UCHL3: variants seen among roughly 807,000 people sequenced by gnomAD.
The protein encoded by UCHL3 is ubiquitin C-terminal hydrolase L3.
Under a neutral mutation model 35.8 loss-of-function variants are expected in UCHL3, and 22 were observed. That is an observed-to-expected ratio of 0.61 (90% confidence interval 0.44 to 0.88). The LOEUF (loss-of-function observed/expected upper bound fraction) is 0.88. UCHL3 is among the 40% of genes least tolerant of loss of function. The probability of loss-of-function intolerance (pLI) is 0.00; values close to 1 mark genes in which losing one functional copy is unlikely to be tolerated. For synonymous variants in UCHL3, 90 were observed against 92.8 expected (o/e 0.97, Z 0.17); for missense variants, 229 against 276.9 (o/e 0.83, Z 1.23).
chr13:75,563,768 G>A (rs1593725394), intron 3 of UCHL3, among the ~76,000 whole-genome samples: 1 of 151,776 alleles, frequency 6.6e-6, no homozygotes, highest in African/African-American at 2.4e-5. Context: ...CCTCTGTTTC[G>A]TTCTCTGTGT....
chr13:75,592,936 T>A (rs930255752), intron 6 of UCHL3, among the ~76,000 whole-genome samples: 2 of 152,126 alleles, frequency 1.3e-5, no homozygotes, highest in Admixed American at 6.6e-5. Flanking sequence ...GCAGCTCATT[T>A]AAACCTCGAG....
At chr13:75,600,279 A>G (rs997839124) in intron 7 of UCHL3, among the ~76,000 whole-genome samples, 2 of 152,200 alleles carry the variant, frequency 1.3e-5, no homozygotes, top group Admixed American at 6.5e-5. Flanking sequence ...TCAAGCTCAG[A>G]TCTTCCGTGA....
intron 3 of UCHL3, among the ~76,000 whole-genome samples, chr13:75,562,978 T>G (rs1377058977): frequency 1.3e-5 from 2 of 152,204 alleles, no homozygotes; most frequent in Non-Finnish European, 2.9e-5. Context: ...GGTGATATAT[T>G]GCAAAGTTAT....
intron 7 of UCHL3, among the ~76,000 whole-genome samples, chr13:75,598,663 G>A (rs748178267): frequency 6.6e-6 from 1 of 152,142 alleles, no homozygotes; most frequent in Non-Finnish European, 1.5e-5. Context: ...CAGAAATAAT[G>A]CTGCGTTCTT....
intron 6 of UCHL3, among the ~76,000 whole-genome samples, chr13:75,593,768 A>G (rs116741494): frequency 0.013 from 1,998 of 152,342 alleles, 60 homozygotes; most frequent in African/African-American, 0.046. Flanking sequence ...GAAACACTAT[A>G]TATAAATGTT....
chr13:75,591,358 T>C (rs904097745), intron 6 of UCHL3, among the ~76,000 whole-genome samples: 11 of 152,170 alleles, frequency 7.2e-5, no homozygotes, highest in African/African-American at 2.7e-4. Flanking sequence ...CGTTCATCCA[T>C]TTGATATTTG....
intron 2 of UCHL3, among the ~76,000 whole-genome samples, chr13:75,555,810 C>T (rs2031277460): frequency 1.3e-5 from 2 of 152,124 alleles, no homozygotes; most frequent in African/African-American, 4.8e-5. Flanking sequence ...CCAGGCTGGC[C>T]TCCAGCTCCT....
At position 75,560,921 on chromosome 13, in the gene UCHL3, A is replaced by G. The variant is rs369233893; in HGVS notation, c.183+40A>G. The G allele has an allele frequency of 8.0e-5, 118 of 1,479,036 alleles. No homozygotes were observed. In the African/African-American group the frequency reaches 1.6e-3, roughly 20 times the overall value. The allele number at this position is 1,479,036 out of a possible 1,614,324, so 91.6% of individuals were successfully genotyped here. A position where few individuals can be genotyped will look rare whatever the true frequency, so the allele number is the denominator to read the frequency against. On this transcript the variant is annotated intron_variant, in intron 3 of 8. Transcript: ENST00000377595. ...AAATAGAAAGTTTCTGGTAAATACA[A>G]TTTTTGTTTTATTCTGTCTTATTTT...
At chr13:75,583,079 A>G (rs551911129) in intron 6 of UCHL3, among the ~76,000 whole-genome samples, 2 of 152,334 alleles carry the variant, frequency 1.3e-5, no homozygotes, top group Middle Eastern at 3.4e-3. Context: ...GTCTGACTAG[A>G]GTAAAAATTT....
intron 6 of UCHL3, among the ~76,000 whole-genome samples, chr13:75,587,064 G>T (rs972542): frequency 6.9e-6 from 1 of 145,788 alleles, no homozygotes; most frequent in East Asian, 2.0e-4. Flanking sequence ...ATGCATAAAA[G>T]GTAGAAATAA....
At chr13:75,574,341 A>C (rs2031957810) in intron 6 of UCHL3, among the ~76,000 whole-genome samples, 1 of 152,126 alleles carries the variant, frequency 6.6e-6, no homozygotes, top group African/African-American at 2.4e-5. Context: ...ATAGTCAATA[A>C]TAAGTTTTTT....
intron 5 of UCHL3, 77 bp from the exon 6 acceptor site, chr13:75,569,383 A>C (rs1283037670): frequency 6.7e-6 from 8 of 1,195,076 alleles, no homozygotes; most frequent in Non-Finnish European, 8.3e-6. Context: ...TAGGTGTTAA[A>C]ATTTAGCTTT....
intron 6 of UCHL3, among the ~76,000 whole-genome samples, chr13:75,578,239 C>T (rs1593743181): frequency 1.7e-5 from 2 of 117,928 alleles, no homozygotes; most frequent in East Asian, 6.3e-4. Flanking sequence ...TGTGAGTAAA[C>T]CACAATTTAT....
chr13:75,557,302 G>A (rs944007490), intron 2 of UCHL3, among the ~76,000 whole-genome samples: 2 of 151,944 alleles, frequency 1.3e-5, no homozygotes, highest in African/African-American at 4.8e-5. Context: ...TCACATACAA[G>A]GGTCTCAAAA....
intron 6 of UCHL3, chr13:75,590,092 C>G (rs1177695250): frequency 1.5e-6 from 2 of 1,304,300 alleles, no homozygotes; most frequent in Admixed American, 2.3e-5. Flanking sequence ...CGCTGGCGAC[C>G]CTTCTTACGT....
chr13:75,559,984 A>C (rs1181248726), intron 2 of UCHL3, among the ~76,000 whole-genome samples: 2 of 152,200 alleles, frequency 1.3e-5, no homozygotes, highest in Non-Finnish European at 2.9e-5. Flanking sequence ...TGTAAAAAAA[A>C]CACTAATTTT....
intron 7 of UCHL3, among the ~76,000 whole-genome samples, chr13:75,595,659 G>A (rs2032628370): frequency 6.9e-6 from 1 of 144,810 alleles, no homozygotes; most frequent in South Asian, 2.2e-4. Context: ...TGGGCTGAGT[G>A]TCACTAGTTT....
intron 2 of UCHL3, among the ~76,000 whole-genome samples, chr13:75,555,243 A>G (rs1055653438): frequency 2.6e-5 from 4 of 152,196 alleles, no homozygotes; most frequent in Non-Finnish European, 4.4e-5. Context: ...AAGTCATCTC[A>G]TCAGTGAGTC....
At chr13:75,554,911 C>T (rs2031241274) in intron 2 of UCHL3, among the ~76,000 whole-genome samples, 1 of 152,170 alleles carries the variant, frequency 6.6e-6, no homozygotes, top group African/African-American at 2.4e-5. Context: ...CAGCCTTCAC[C>T]TTCAGGTAGG....
Sources: allele counts gnomAD v4.1 joint callset (sites outside exome capture counted in the v4.1 genomes callset), GRCh38; gene constraint gnomAD v4.1.1; transcripts MANE v1.5; gene names NCBI Gene and HGNC (gene_info 2026-07-23, HGNC 2026-07-21).